The following RIMS2 variants were observed in gnomAD, a reference collection of about 807,000 sequenced individuals.
The protein encoded by RIMS2 is regulating synaptic membrane exocytosis 2.
A neutral mutation model predicts 174.4 loss-of-function variants in RIMS2; 59 were observed. The observed-to-expected ratio is 0.34, with a 90% CI of 0.27 to 0.42. The LOEUF is 0.42. Among genes scored for constraint, RIMS2 ranks in the 10% least tolerant of loss-of-function variants. RIMS2 has a pLI of 1.00. For synonymous variants in RIMS2, 606 were observed against 572.5 expected (o/e 1.06, Z -0.84); for missense variants, 1,620 against 1,666.3 (o/e 0.97, Z 0.48).
At chr8:104,010,730 G>T (rs969393948) in intron 17 of RIMS2, among the ~76,000 whole-genome samples, 6 of 152,078 alleles carry the variant, frequency 3.9e-5, no homozygotes, top group African/African-American at 7.2e-5. Flanking sequence ...AAAGACAATG[G>T]AATTATTTAC....
chr8:103,923,952 C>T (rs1052755485), intron 10 of RIMS2, among the ~76,000 whole-genome samples: 2 of 151,696 alleles, frequency 1.3e-5, no homozygotes, highest in South Asian at 4.2e-4. Flanking sequence ...TGGACTTTTT[C>T]CTGTCCTTAA....
chr8:103,762,221 C>A (rs1373674464), intron 2 of RIMS2, among the ~76,000 whole-genome samples: 1 of 151,472 alleles, frequency 6.6e-6, no homozygotes, highest in African/African-American at 2.4e-5. Flanking sequence ...CTTAATATTT[C>A]TATATTATTT....
chr8:104,249,961 A>G (rs1192743059), intron 22 of RIMS2, among the ~76,000 whole-genome samples: 1 of 152,224 alleles, frequency 6.6e-6, no homozygotes, highest in Non-Finnish European at 1.5e-5. Context: ...TCAGGAATCC[A>G]TAAGTCTCTG....
intron 19 of RIMS2, among the ~76,000 whole-genome samples, chr8:104,082,761 A>G (rs1280638226): frequency 6.6e-6 from 1 of 151,822 alleles, no homozygotes; most frequent in Non-Finnish European, 1.5e-5. Context: ...ACATCTATAT[A>G]TCTATATTCT....
intron 23 of RIMS2, 45 bp downstream of exon 29, chr8:104,251,208 A>G (rs373459044): frequency 2.9e-5 from 43 of 1,485,116 alleles, no homozygotes; most frequent in South Asian, 2.3e-4. Flanking sequence ...AGTATTTTTC[A>G]TGGGGTCAGA....
At chr8:103,882,629 G>A (rs2099173300) in intron 3 of RIMS2, among the ~76,000 whole-genome samples, 1 of 151,436 alleles carries the variant, frequency 6.6e-6, no homozygotes, top group Non-Finnish European at 1.5e-5. Context: ...GACATCTACA[G>A]TATGATTCAC....
At chr8:103,560,854 T>TA (rs1366703449) in intron 1 of RIMS2, among the ~76,000 whole-genome samples, 1 of 152,236 alleles carries the variant, frequency 6.6e-6, no homozygotes, top group African/African-American at 2.4e-5. Context: ...GTGTTCTTTT[T>TA]ATGTTAAGTA....
At chr8:104,028,171 G>A (rs2096298856) in intron 19 of RIMS2, among the ~76,000 whole-genome samples, 1 of 150,468 alleles carries the variant, frequency 6.6e-6, no homozygotes, top group Admixed American at 6.6e-5. Flanking sequence ...TGTTGTCCAG[G>A]CTGGTCTCAA....
chr8:103,521,054 G>A (rs978157928), intron 1 of RIMS2, among the ~76,000 whole-genome samples: 35 of 149,116 alleles, frequency 2.3e-4, no homozygotes, highest in African/African-American at 5.9e-4. Context: ...CAAACACTGC[G>A]TGTTCTCACT....
At chr8:103,992,068 G>A (rs1048612083) in intron 17 of RIMS2, among the ~76,000 whole-genome samples, 5 of 152,032 alleles carry the variant, frequency 3.3e-5, no homozygotes, top group African/African-American at 1.2e-4. Context: ...GAAAAAAAGA[G>A]AGATAGAGAA....
chr8:103,619,049 G>C (rs1392390480), intron 1 of RIMS2, among the ~76,000 whole-genome samples: 1 of 146,170 alleles, frequency 6.8e-6, no homozygotes, highest in Non-Finnish European at 1.5e-5. Flanking sequence ...TCCACTCCTG[G>C]ATATGCTCCC....
chr8:103,906,257 T>C (rs1227617201), intron 4 of RIMS2, among the ~76,000 whole-genome samples: 1 of 152,212 alleles, frequency 6.6e-6, no homozygotes, highest in Non-Finnish European at 1.5e-5. Flanking sequence ...GTTTTTGTTT[T>C]TGGAGATGAA....
intron 3 of RIMS2, among the ~76,000 whole-genome samples, chr8:103,820,417 A>G (rs2098744865): frequency 6.6e-6 from 1 of 152,024 alleles, no homozygotes; most frequent in Non-Finnish European, 1.5e-5. Context: ...AGACTGAGAA[A>G]GAAATTCTGT....
intron 14 of RIMS2, among the ~76,000 whole-genome samples, chr8:103,948,953 C>T (rs1282440327): frequency 7.1e-6 from 1 of 140,496 alleles, no homozygotes; most frequent in Non-Finnish European, 1.5e-5. Context: ...TAATGAGACC[C>T]CATTTTTACA....
At chr8:104,043,771 A>G (rs2096648165) in intron 19 of RIMS2, among the ~76,000 whole-genome samples, 2 of 151,780 alleles carry the variant, frequency 1.3e-5, no homozygotes, top group Non-Finnish European at 3.0e-5. Flanking sequence ...AGTTTCCAAG[A>G]TGGAGCATGG....
At chr8:104,128,524 C>T (rs1026479939) in intron 19 of RIMS2, among the ~76,000 whole-genome samples, 5 of 151,926 alleles carry the variant, frequency 3.3e-5, no homozygotes, top group African/African-American at 9.7e-5. Flanking sequence ...TGGAGAAACA[C>T]CCATCTCTAC....
chr8:103,926,666 A>T (rs1290726519), intron 10 of RIMS2, among the ~76,000 whole-genome samples: 1 of 151,562 alleles, frequency 6.6e-6, no homozygotes, highest in Non-Finnish European at 1.5e-5. Context: ...TTAACTATTT[A>T]TGATTTTGAA....
chr8:104,030,883 A>G (rs2154556240), intron 19 of RIMS2, among the ~76,000 whole-genome samples: 1 of 152,072 alleles, frequency 6.6e-6, no homozygotes, highest in East Asian at 1.9e-4. Flanking sequence ...TATCTTGTTT[A>G]TAATCACTCT....
chr8:103,826,741 G>A (rs775960022), intron 3 of RIMS2, among the ~76,000 whole-genome samples: 8 of 150,596 alleles, frequency 5.3e-5, no homozygotes, highest in Non-Finnish European at 8.9e-5. Flanking sequence ...TCACCCAGTG[G>A]TGTGATCATA....
Sources: allele counts gnomAD v4.1 joint callset (sites outside exome capture counted in the v4.1 genomes callset), GRCh38; gene constraint gnomAD v4.1.1; transcripts MANE v1.5; gene names NCBI Gene and HGNC (gene_info 2026-07-23, HGNC 2026-07-21).